TTC7B: variants seen among roughly 807,000 people sequenced by gnomAD.
The protein encoded by TTC7B is tetratricopeptide repeat protein 7B.
A neutral mutation model predicts 106.8 loss-of-function variants in TTC7B; 28 were observed. That is an observed-to-expected ratio of 0.26 (90% CI 0.19 to 0.36). TTC7B has a LOEUF of 0.36. Among genes scored for constraint, TTC7B ranks in the 10% least tolerant of loss-of-function variants. The probability of loss-of-function intolerance (pLI) is 1.00; values close to 1 mark genes in which losing one functional copy is unlikely to be tolerated. For missense variants in TTC7B, 862 were observed against 1,076.4 expected (o/e 0.80, Z 2.79); for synonymous variants, 405 against 430.6 (o/e 0.94, Z 0.74).
chr14:90,783,937 A>G (rs1178969213), intron 2 of TTC7B, among the ~76,000 whole-genome samples: 2 of 152,170 alleles, frequency 1.3e-5, no homozygotes, highest in East Asian at 3.8e-4. Flanking sequence ...TAAATAAATA[A>G]ATAAAAAATA....
intron 19 of TTC7B, among the ~76,000 whole-genome samples, chr14:90,542,227 C>G (rs748413801): frequency 1.3e-5 from 2 of 152,176 alleles, no homozygotes; most frequent in Non-Finnish European, 2.9e-5. Context: ...GCGTGAGCCA[C>G]AGGGCCTGGC....
At chr14:90,588,684 T>A (rs1021321660) in intron 18 of TTC7B, among the ~76,000 whole-genome samples, 2 of 152,120 alleles carry the variant, frequency 1.3e-5, no homozygotes, top group Non-Finnish European at 2.9e-5. Context: ...GCTCCCACAT[T>A]GTAAAAATGG....
At chr14:90,748,233 G>A (rs760321847) in intron 3 of TTC7B, among the ~76,000 whole-genome samples, 16 of 151,584 alleles carry the variant, frequency 1.1e-4, no homozygotes, top group Non-Finnish European at 1.9e-4. Flanking sequence ...TCATCTATTT[G>A]AGTATTTTTA....
At chr14:90,761,558 C>T (rs1193581054) in intron 3 of TTC7B, among the ~76,000 whole-genome samples, 1 of 152,132 alleles carries the variant, frequency 6.6e-6, no homozygotes, top group African/African-American at 2.4e-5. Flanking sequence ...TGATTAATAA[C>T]TCCATCACCC....
At chr14:90,789,719 AC>A (rs1413259235) in intron 1 of TTC7B, among the ~76,000 whole-genome samples, 3 of 151,752 alleles carry the variant, frequency 2.0e-5, no homozygotes, top group African/African-American at 4.8e-5. Context: ...ACACGGTGAA[AC>A]CCCGTCTCTA....
At chr14:90,794,472 T>C (rs146438851) in intron 1 of TTC7B, among the ~76,000 whole-genome samples, 6,439 of 151,308 alleles carry the variant, frequency 0.043, 190 homozygotes, top group Non-Finnish European at 0.058. Flanking sequence ...GTGATCCACC[T>C]GTCTCGGCCT....
chr14:90,542,393 C>T (rs1223030679), intron 19 of TTC7B, among the ~76,000 whole-genome samples: 1 of 152,176 alleles, frequency 6.6e-6, no homozygotes, highest in African/African-American at 2.4e-5. Flanking sequence ...CTGTCATCTT[C>T]GTTTTCCTTG....
intron 19 of TTC7B, among the ~76,000 whole-genome samples, chr14:90,550,902 T>G (rs921741415): frequency 2.0e-5 from 3 of 152,128 alleles, no homozygotes; most frequent in Non-Finnish European, 2.9e-5. Flanking sequence ...CAGGTCACCC[T>G]TGTCTATGCT....
rs74350665 is a variant in TTC7B at position 90,612,457 on chromosome 14, C to T, written c.1869-1618G>A. Among the ~76,000 whole-genome samples, 247 of 152,300 alleles carry T rather than the reference C, an allele frequency of 1.6e-3. 5 individuals carry two copies. In the East Asian group the frequency reaches 0.027, roughly 16 times the overall value. ...CAGTGAAACGATGACATATTATTCA[C>T]CACCTTGGGGATTCCAAGACACACG... On this transcript the variant is annotated intron_variant, in intron 16 of 19. Coordinates refer to ENST00000328459, the MANE Select transcript of TTC7B (RefSeq NM_001010854.2).
At chr14:90,714,671 G>T (rs986923059) in intron 5 of TTC7B, among the ~76,000 whole-genome samples, 1 of 151,974 alleles carries the variant, frequency 6.6e-6, no homozygotes, top group Non-Finnish European at 1.5e-5. Flanking sequence ...TGGCCAGGCT[G>T]GTCTTGAACT....
intron 3 of TTC7B, among the ~76,000 whole-genome samples, chr14:90,768,735 C>CT (rs1566878486): frequency 6.6e-6 from 1 of 152,118 alleles, no homozygotes; most frequent in Non-Finnish European, 1.5e-5. Context: ...TGAAAGGACA[C>CT]TAAGCAATAA....
intron 5 of TTC7B, among the ~76,000 whole-genome samples, chr14:90,703,604 T>C (rs1888086975): frequency 6.6e-6 from 1 of 152,066 alleles, no homozygotes; most frequent in Non-Finnish European, 1.5e-5. Context: ...AAAAGACCAT[T>C]ACATGTGCAG....
At chr14:90,795,878 A>C (rs1490858213) in intron 1 of TTC7B, among the ~76,000 whole-genome samples, 1 of 152,134 alleles carries the variant, frequency 6.6e-6, no homozygotes, top group Non-Finnish European at 1.5e-5. Flanking sequence ...GCTCATACGA[A>C]GTGCCATGCA....
intron 5 of TTC7B, among the ~76,000 whole-genome samples, chr14:90,709,612 A>G (rs1461449121): frequency 3.3e-5 from 5 of 151,642 alleles, no homozygotes; most frequent in African/African-American, 1.2e-4. Flanking sequence ...GGTGCAGCAC[A>G]CCAACATGGC....
chr14:90,549,467 C>T (rs1889982001), intron 19 of TTC7B, among the ~76,000 whole-genome samples: 1 of 152,222 alleles, frequency 6.6e-6, no homozygotes, highest in Non-Finnish European at 1.5e-5. Context: ...GGGAAGATGA[C>T]AGTGCTGCTG....
chr14:90,803,799 G>A (rs923611462), intron 1 of TTC7B, among the ~76,000 whole-genome samples: 2 of 129,034 alleles, frequency 1.5e-5, no homozygotes, highest in African/African-American at 5.7e-5. Flanking sequence ...CAGAAGAGAT[G>A]AGTACGCTGG....
At chr14:90,782,223 T>C (rs1366680732) in intron 2 of TTC7B, among the ~76,000 whole-genome samples, 2 of 152,104 alleles carry the variant, frequency 1.3e-5, no homozygotes, top group African/African-American at 4.8e-5. Flanking sequence ...AAAGTGTTTA[T>C]GGGTGGCCCA....
At chr14:90,709,212 T>C (rs1888333709) in intron 5 of TTC7B, among the ~76,000 whole-genome samples, 1 of 151,330 alleles carries the variant, frequency 6.6e-6, no homozygotes, top group South Asian at 2.1e-4. Flanking sequence ...TTATAAATCA[T>C]GCTGCTATAA....
chr14:90,547,419 G>T (rs1257018471), intron 19 of TTC7B, among the ~76,000 whole-genome samples: 1 of 152,242 alleles, frequency 6.6e-6, no homozygotes, highest in Non-Finnish European at 1.5e-5. Context: ...TGTGTGCAAG[G>T]TTTCCTGCTG....
Sources: allele counts gnomAD v4.1 joint callset (sites outside exome capture counted in the v4.1 genomes callset), GRCh38; gene constraint gnomAD v4.1.1; transcripts MANE v1.5; gene names NCBI Gene and HGNC (gene_info 2026-07-23, HGNC 2026-07-21).